Variants in BICRA observed in about 807,000 individuals in gnomAD.
The protein encoded by BICRA is BRD4 interacting chromatin remodeling complex associated protein.
In BICRA, 31 loss-of-function variants were observed where a neutral mutation model predicts 96.9. The ratio of observed to expected loss-of-function variants is 0.32; its 90% CI spans 0.24 to 0.43. The LOEUF is 0.43. BICRA is among the 20% of genes least tolerant of loss of function. BICRA has a pLI of 1.00. For synonymous variants in BICRA, 1,350 were observed against 1,071.8 expected (o/e 1.26, Z -5.07); for missense variants, 2,283 against 2,190.3 (o/e 1.04, Z -0.84).
intron 7 of BICRA, among the ~76,000 whole-genome samples, chr19:47,689,072 C>T (rs1973201766): frequency 6.6e-6 from 1 of 151,974 alleles, no homozygotes. Flanking sequence ...AGTGATCCAC[C>T]CGCCTTGGCA....
chr19:47,644,419 GCTTCCTCCCTCCCTCC>G (rs751136744), intron 1 of BICRA, among the ~76,000 whole-genome samples: 35 of 142,048 alleles, frequency 2.5e-4, no homozygotes, highest in South Asian at 1.1e-3. Flanking sequence ...CTCCTTCCTT[GCTTCCTCCCTCCCTCC>G]CTTCCTCCCT....
chr19:47,670,698 G>A (rs1201546012), intron 2 of BICRA, among the ~76,000 whole-genome samples, 154 bp downstream of exon 2: 1 of 152,102 alleles, frequency 6.6e-6, no homozygotes, highest in African/African-American at 2.4e-5. Flanking sequence ...CTCCCACCTG[G>A]GCCTCCTGGG....
At chr19:47,620,340 C>T (rs1211509634) in intron 1 of BICRA, among the ~76,000 whole-genome samples, 1 of 151,818 alleles carries the variant, frequency 6.6e-6, no homozygotes, top group Non-Finnish European at 1.5e-5. Context: ...GAGCAGAGAC[C>T]CTGTCTTTGG....
At chr19:47,610,263 C>T (rs1329161291) in intron 1 of BICRA, among the ~76,000 whole-genome samples, 2 of 152,200 alleles carry the variant, frequency 1.3e-5, no homozygotes, top group African/African-American at 2.4e-5. Flanking sequence ...TCGTCTGCTT[C>T]CCCGACTCCT....
intron 1 of BICRA, among the ~76,000 whole-genome samples, chr19:47,654,169 G>C (rs548994113): frequency 2.0e-5 from 3 of 152,152 alleles, no homozygotes; most frequent in Non-Finnish European, 4.4e-5. Context: ...GTGAGCATTC[G>C]TGTTCCGCCA....
chr19:47,678,194 C>T (rs146753197), intron 5 of BICRA, among the ~76,000 whole-genome samples: 101 of 152,314 alleles, frequency 6.6e-4, no homozygotes, highest in African/African-American at 8.2e-4. Flanking sequence ...CAGCTCATTA[C>T]AGCCTCCACC....
At chr19:47,615,311 C>G (rs866085025) in intron 1 of BICRA, among the ~76,000 whole-genome samples, 1 of 152,230 alleles carries the variant, frequency 6.6e-6, no homozygotes, top group Non-Finnish European at 1.5e-5. Context: ...GAAAGTTGTT[C>G]TCTTTCTCTC....
chr19:47,623,846 C>CTT (rs58458331), intron 1 of BICRA, among the ~76,000 whole-genome samples: 39 of 139,448 alleles, frequency 2.8e-4, no homozygotes, highest in African/African-American at 8.5e-4. Context: ...CTCTCTCTCT[C>CTT]TTTTTTTTTT....
At chr19:47,685,770 TGTGTGTGTGTGTGTGTGCGC>T (rs1376655138) in intron 7 of BICRA, among the ~76,000 whole-genome samples, 73 of 133,034 alleles carry the variant, frequency 5.5e-4, no homozygotes, top group African/African-American at 2.1e-3. Context: ...TGTGTGTGTG[TGTGTGTGTGTGTGTGTGCGC>T]GCGCGCGCGC....
intron 7 of BICRA, among the ~76,000 whole-genome samples, chr19:47,683,741 C>T (rs1973102301): frequency 1.3e-5 from 2 of 151,994 alleles, no homozygotes; most frequent in Non-Finnish European, 2.9e-5. Flanking sequence ...CCCGCCACCA[C>T]GCCGGGCTAA....
In BICRA at chr19:47,698,912, A is replaced by G. The variant is rs568366105; in HGVS notation, c.3398-53A>G. Reference sequence around the variant, plus strand: ...CCCTGCCCCGCCCTCCTTCCTGCGCATCCGCGGCCGCCCCCAACATCTCCG... The same window carrying G: ...CCCTGCCCCGCCCTCCTTCCTGCGCGTCCGCGGCCGCCCCCAACATCTCCG... On this transcript the variant is annotated intron_variant, in intron 12 of 14. Coordinates refer to ENST00000594866, the MANE Select transcript of BICRA (RefSeq NM_001394372.1). The surrounding 1 kb of genome is among the most constrained non-coding windows in gnomAD (Gnocchi z 4.8). 44 of 1,426,214 alleles carry G rather than the reference A, an allele frequency of 3.1e-5. 1 individual carries two copies. The Admixed American group carries it at 7.2e-4, about 23-fold the overall frequency. 88.3% of individuals were successfully genotyped at this position (1,426,214 alleles called of 1,614,324 possible). A position where few individuals can be genotyped will look rare whatever the true frequency, so the allele number is the denominator to read the frequency against.
At chr19:47,671,303 G>A (rs987652068) in intron 2 of BICRA, among the ~76,000 whole-genome samples, 14 of 152,130 alleles carry the variant, frequency 9.2e-5, no homozygotes, top group African/African-American at 3.1e-4. Flanking sequence ...GTGAGGGGCT[G>A]TGAACCAGCT....
intron 1 of BICRA, among the ~76,000 whole-genome samples, chr19:47,648,588 C>T (rs1216108919): frequency 6.6e-6 from 1 of 151,326 alleles, no homozygotes; most frequent in Admixed American, 6.6e-5. Flanking sequence ...AAAGGAAGGG[C>T]ATGGCTGGGA....
intron 1 of BICRA, among the ~76,000 whole-genome samples, chr19:47,655,391 G>A (rs1312261585): frequency 6.6e-6 from 1 of 150,836 alleles, no homozygotes; most frequent in Non-Finnish European, 1.5e-5. Context: ...CGGGCGTGGT[G>A]GTGCATGCCT....
rs751023896 is a variant in BICRA, at chr19:47,680,785, G to A, written c.1615G>A (p.Ala539Thr). The A allele has an allele frequency of 3.1e-6, 5 of 1,610,074 alleles. No homozygotes were observed. The highest frequency in any genetic ancestry group is 2.2e-5 in the East Asian group (1 of 44,726). The change falls in exon 6 of 15, where the codon GCG becomes ACG. Residue 539 changes from alanine (A) to threonine (T), a missense_variant. Coordinates refer to ENST00000594866, the MANE Select transcript of BICRA (RefSeq NM_001394372.1). ...GGCCCCCCACTCCGGGGCCCACAGC[G>A]CGCACATCCTCTCCGCCGCTCCCAT... ...VLAPHSGAHSAHILSAAPIQV... is the reference protein window; with the variant it reads ...VLAPHSGAHSTHILSAAPIQV...
chr19:47,634,130 C>G (rs1972263760), intron 1 of BICRA, among the ~76,000 whole-genome samples: 1 of 152,252 alleles, frequency 6.6e-6, no homozygotes, highest in South Asian at 2.1e-4. Flanking sequence ...ACTCAGCTCT[C>G]CAGTCCTTGC....
intron 1 of BICRA, among the ~76,000 whole-genome samples, chr19:47,657,076 TG>T (rs1423455227): frequency 6.6e-6 from 1 of 152,074 alleles, no homozygotes; most frequent in East Asian, 1.9e-4. Flanking sequence ...TTAGCCAGGA[TG>T]GTCTCGATCT....
intron 2 of BICRA, among the ~76,000 whole-genome samples, chr19:47,671,704 T>C (rs1972863987): frequency 7.9e-6 from 1 of 127,024 alleles, no homozygotes; most frequent in African/African-American, 3.1e-5. Context: ...GATGGAGGGA[T>C]GGGTGGGTAG....
rs185666900 is a variant in BICRA at position 47,613,081 on chromosome 19, T to C, written c.-108+3913T>C. ...GAAGTCCGAGTGAGGCCCTAGAGGGTCTCCCGGCTGACTTCCTTCTCAGAG... is the reference window on the plus strand; with the variant it reads ...GAAGTCCGAGTGAGGCCCTAGAGGGCCTCCCGGCTGACTTCCTTCTCAGAG... On this transcript the variant is annotated intron_variant, in intron 1 of 14. Coordinates refer to ENST00000594866, the MANE Select transcript of BICRA (RefSeq NM_001394372.1). Among the ~76,000 whole-genome samples the C allele has an allele frequency of 2.0e-5, 3 of 152,018 alleles. No homozygotes were observed. The East Asian group carries it at 5.8e-4, about 29-fold the overall frequency.
Sources: allele counts gnomAD v4.1 joint callset (sites outside exome capture counted in the v4.1 genomes callset), GRCh38; gene constraint gnomAD v4.1.1; non-coding constraint Gnocchi (gnomAD v3.1); transcripts MANE v1.5; gene names NCBI Gene and HGNC (gene_info 2026-07-23, HGNC 2026-07-21).